FMN1: variants seen among roughly 807,000 people sequenced by gnomAD.
The protein encoded by FMN1 is formin 1.
Under a neutral mutation model 132.4 loss-of-function variants are expected in FMN1, and 110 were observed. That is an observed-to-expected ratio of 0.83 (90% CI 0.71 to 0.97). The LOEUF (loss-of-function observed/expected upper bound fraction) is 0.97, where lower values mean the gene tolerates loss of function less well. Ranked by LOEUF, FMN1 falls within the 50% of genes least tolerant of loss-of-function variation. The pLI is 0.00. For missense variants in FMN1, 1,792 were observed against 1,705.3 expected, an observed-to-expected ratio of 1.05 and a Z score of -0.90; for synonymous variants, 722 against 651.7, an observed-to-expected ratio of 1.11 and a Z score of -1.64.
At chr15:32,853,932 A>T (rs1453019612) in intron 17 of FMN1, among the ~76,000 whole-genome samples, 1 of 152,228 alleles carries the variant, frequency 6.6e-6, no homozygotes, top group Non-Finnish European at 1.5e-5. Context: ...GAATGAGCTG[A>T]GGAAAGCCTA....
chr15:33,054,183 A>G (rs1261815489), intron 6 of FMN1, among the ~76,000 whole-genome samples: 1 of 152,218 alleles, frequency 6.6e-6, no homozygotes, highest in African/African-American at 2.4e-5. Flanking sequence ...AAAAATCCAC[A>G]TATTACTCCT....
chr15:33,166,360 G>C (rs1327988672), intron 3 of FMN1, among the ~76,000 whole-genome samples: 1 of 150,288 alleles, frequency 6.7e-6, no homozygotes, highest in Admixed American at 6.6e-5. Flanking sequence ...ATGAAACAAA[G>C]TGCCATTTTT....
At chr15:32,932,552 A>G (rs1049685287) in intron 9 of FMN1, among the ~76,000 whole-genome samples, 4 of 152,062 alleles carry the variant, frequency 2.6e-5, no homozygotes, top group African/African-American at 4.8e-5. Context: ...AATTTTTTGG[A>G]AGAGTTTGAG....
At chr15:32,807,486 T>A (rs886549323) in intron 17 of FMN1, among the ~76,000 whole-genome samples, 1 of 152,234 alleles carries the variant, frequency 6.6e-6, no homozygotes, top group Admixed American at 6.5e-5. Context: ...TTTTAAGTTA[T>A]GTGCATAGCC....
At chr15:32,926,929 C>G (rs1273253151) in intron 9 of FMN1, among the ~76,000 whole-genome samples, 4 of 152,140 alleles carry the variant, frequency 2.6e-5, no homozygotes, top group African/African-American at 9.7e-5. Flanking sequence ...GGATCACAGG[C>G]AGGCGCCACC....
chr15:33,037,486 T>C (rs935628751), intron 6 of FMN1, among the ~76,000 whole-genome samples: 2 of 152,164 alleles, frequency 1.3e-5, no homozygotes, highest in African/African-American at 4.8e-5. Flanking sequence ...AAGGGAGTTG[T>C]TGGAGCAGGC....
intron 9 of FMN1, among the ~76,000 whole-genome samples, chr15:32,942,223 A>G (rs2140446759): frequency 6.6e-6 from 1 of 152,352 alleles, no homozygotes; most frequent in East Asian, 1.9e-4. Flanking sequence ...GCCAGTATAG[A>G]CAAATTATTA....
At chr15:33,029,316 AAT>A (rs2035825645) in intron 6 of FMN1, among the ~76,000 whole-genome samples, 1 of 152,116 alleles carries the variant, frequency 6.6e-6, no homozygotes, top group East Asian at 1.9e-4. Context: ...TGACCTTTCT[AAT>A]ATATTTTCTA....
rs554399599 is a variant in FMN1 at position 32,986,963 on chromosome 15, T to TTATATA, written c.2224-17487_2224-17486insTATATA. On this transcript the variant is annotated intron_variant, in intron 7 of 20. Coordinates refer to ENST00000616417, the MANE Select transcript of FMN1 (RefSeq NM_001277313.2). Reference sequence around the variant, plus strand: ...TAACTGATCAAACATGGACTATAATTTATGAAATATTTTCAAAATAAACAT... The same window carrying TTATATA: ...TAACTGATCAAACATGGACTATAATTTATATATATGAAATATTTTCAAAATAAACAT... 1.2e-4 allele frequency among the ~76,000 whole-genome samples: 19 copies of TTATATA among 152,274 alleles called. No individual in the cohort carries two copies. In the South Asian group the frequency reaches 3.7e-3, roughly 30 times the overall value.
intron 19 of FMN1, among the ~76,000 whole-genome samples, chr15:32,785,214 A>ATTT (rs1567163022): frequency 9.0e-5 from 2 of 22,130 alleles, no homozygotes; most frequent in South Asian, 1.9e-3. Context: ...ATATATATAT[A>ATTT]TATATTTTTT....
chr15:32,857,943 G>T (rs998433055), intron 16 of FMN1, among the ~76,000 whole-genome samples: 1 of 152,190 alleles, frequency 6.6e-6, no homozygotes, highest in Non-Finnish European at 1.5e-5. Context: ...GAAAAGAAAG[G>T]CTTCGTTTCT....
chr15:32,817,087 A>T (rs2058080491), intron 17 of FMN1, among the ~76,000 whole-genome samples: 1 of 152,242 alleles, frequency 6.6e-6, no homozygotes, highest in Non-Finnish European at 1.5e-5. Context: ...TGACAAAGGA[A>T]ATTTCTTGTT....
At chr15:33,102,039 C>T (rs189609636) in intron 4 of FMN1, among the ~76,000 whole-genome samples, 12 of 152,246 alleles carry the variant, frequency 7.9e-5, no homozygotes, top group African/African-American at 2.9e-4. Context: ...ACCAAGTTTA[C>T]TTGTGTCTTC....
chr15:33,133,812 T>C (rs1963648676), intron 4 of FMN1, among the ~76,000 whole-genome samples: 1 of 152,148 alleles, frequency 6.6e-6, no homozygotes. Context: ...TGTGCCGACT[T>C]CCAACCTGTG....
chr15:32,983,118 T>C (rs2032810960), intron 7 of FMN1, among the ~76,000 whole-genome samples: 1 of 152,124 alleles, frequency 6.6e-6, no homozygotes, highest in Non-Finnish European at 1.5e-5. Context: ...ACCCAAACGT[T>C]CTTCAACTGG....
intron 8 of FMN1, 105 bp from the exon 9 acceptor site, chr15:32,964,362 A>C: frequency 1.2e-6 from 1 of 803,898 alleles, no homozygotes; most frequent in Non-Finnish European, 1.9e-6. Flanking sequence ...TTTTCTAAAA[A>C]AACACATAAA....
chr15:32,987,620 T>G (rs1176998377), intron 7 of FMN1, among the ~76,000 whole-genome samples: 1 of 152,186 alleles, frequency 6.6e-6, no homozygotes, highest in African/African-American at 2.4e-5. Flanking sequence ...TCTTCTCAGT[T>G]GAAATTTACT....
intron 14 of FMN1, among the ~76,000 whole-genome samples, 176 bp from the exon 15 acceptor site, chr15:32,899,069 C>G (rs1468933117): frequency 2.0e-5 from 3 of 152,142 alleles, no homozygotes; most frequent in Non-Finnish European, 4.4e-5. Context: ...ATGCTGGCTA[C>G]ATAAAGAAAT....
chr15:33,097,213 C>G (rs1428544407), intron 4 of FMN1, among the ~76,000 whole-genome samples: 3 of 151,500 alleles, frequency 2.0e-5, no homozygotes, highest in Admixed American at 6.6e-5. Context: ...GGGAGGATCA[C>G]TTGTTACTTG....
Sources: gnomAD v4.1 joint callset for allele counts (sites outside exome capture counted in the v4.1 genomes callset) on GRCh38, gnomAD v4.1.1 for gene constraint, MANE v1.5 for transcripts, NCBI Gene and HGNC (gene_info 2026-07-23, HGNC 2026-07-21) for gene names.